SAMD4A: variants seen among roughly 807,000 people sequenced by gnomAD.
The protein encoded by SAMD4A is sterile alpha motif domain containing 4A, also known as protein Smaug homolog 1.
A neutral mutation model predicts 81.3 loss-of-function variants in SAMD4A; 33 were observed. That is an observed-to-expected ratio of 0.41 (90% CI 0.31 to 0.54). The LOEUF (loss-of-function observed/expected upper bound fraction) is 0.54, where lower values mean the gene tolerates loss of function less well. Among genes scored for constraint, SAMD4A ranks in the 20% least tolerant of loss-of-function variants. SAMD4A has a pLI of 0.37. For missense variants in SAMD4A, 854 were observed against 951.1 expected (o/e 0.90, Z 1.34); for synonymous variants, 389 against 382.1 (o/e 1.02, Z -0.21).
At chr14:54,641,921 C>T (rs1373383746) in intron 2 of SAMD4A, among the ~76,000 whole-genome samples, 1 of 152,138 alleles carries the variant, frequency 6.6e-6, no homozygotes, top group East Asian at 1.9e-4. Context: ...CCTTAGCCTC[C>T]TGAGTAGTTG....
chr14:54,580,760 A>C (rs1173310182), intron 2 of SAMD4A, among the ~76,000 whole-genome samples: 1 of 152,320 alleles, frequency 6.6e-6, no homozygotes, highest in East Asian at 1.9e-4. Flanking sequence ...GTTGTTCACT[A>C]TCTGATTACC....
chr14:54,729,012 A>G (rs976223663), intron 3 of SAMD4A, among the ~76,000 whole-genome samples: 2 of 152,212 alleles, frequency 1.3e-5, no homozygotes, highest in African/African-American at 4.8e-5. Flanking sequence ...ACACAGTTTT[A>G]AAATATCCTT....
chr14:54,700,858 C>T (rs988522439), intron 2 of SAMD4A, among the ~76,000 whole-genome samples: 8 of 152,188 alleles, frequency 5.3e-5, no homozygotes, highest in African/African-American at 1.9e-4. Context: ...TGAAGTAAGG[C>T]AGTCACAAAA....
intron 3 of SAMD4A, among the ~76,000 whole-genome samples, chr14:54,733,097 A>G (rs1276821241): frequency 1.3e-5 from 2 of 152,188 alleles, no homozygotes; most frequent in Non-Finnish European, 2.9e-5. Flanking sequence ...ATTAGGTTAG[A>G]TGAGGTCAGA....
At position 54,760,386 on chromosome 14, in the gene SAMD4A, A is replaced by C. The variant is rs2038364410; in HGVS notation, c.1402A>C (p.Ser468Arg). The C allele has an allele frequency of 1.3e-6, 2 of 1,511,644 alleles. No individual in the cohort carries two copies. Among genetic ancestry groups the C allele is most frequent in the African/African-American group, 2.9e-5 (2 of 69,776 alleles). 93.6% of individuals were successfully genotyped at this position (1,511,644 alleles called of 1,614,324 possible). ...GATATPSAGASGGLQPHQLSS... is the reference protein window; with the variant it reads ...GATATPSAGARGGLQPHQLSS... Reference sequence around the variant, plus strand: ...CACGGCCACCCCCTCGGCCGGGGCCAGCGGGGGGCTCCAGCCGCACCAGCT... The same window carrying C: ...CACGGCCACCCCCTCGGCCGGGGCCCGCGGGGGGCTCCAGCCGCACCAGCT... The change falls in exon 7 of 13, where the codon AGC becomes CGC. Residue 468 changes from serine to arginine, a missense_variant. Physicochemically the swap from Ser to Arg is moderately radical, Grantham distance 110 (BLOSUM62 -1). Coordinates refer to ENST00000554335, the MANE Select transcript of SAMD4A (RefSeq NM_015589.6).
chr14:54,738,626 A>G lies in SAMD4A; in HGVS notation c.979+1339A>G, dbSNP rs563780473. ...TACTTCAGAGTTTTCAGGGGACTGT[A>G]TCACAATTTTGGAGCACTAGCAAAA... On this transcript the variant is annotated intron_variant, in intron 4 of 12. Coordinates refer to ENST00000554335, the MANE Select transcript of SAMD4A (RefSeq NM_015589.6). Among the ~76,000 whole-genome samples, 294 of 152,330 alleles carry G rather than the reference A, an allele frequency of 1.9e-3. 6 individuals are homozygous for G. The highest frequency in any genetic ancestry group is 2.4e-3 in the Non-Finnish European group (161 of 68,020).
chr14:54,567,809 C>T lies in SAMD4A; in HGVS notation c.-108C>T. 1.6e-6 allele frequency: 2 copies of T among 1,231,464 alleles called. No individual in the cohort carries two copies. The highest frequency in any genetic ancestry group is 1.6e-5 in the African/African-American group (1 of 63,988). 76.3% of individuals were successfully genotyped at this position (1,231,464 alleles called of 1,614,324 possible). A position where few individuals can be genotyped will look rare whatever the true frequency, so the allele number is the denominator to read the frequency against. On this transcript the variant is annotated 5_prime_UTR_variant, in exon 2 of 13. Coordinates refer to ENST00000554335, the MANE Select transcript of SAMD4A (RefSeq NM_015589.6). Reference sequence around the variant, plus strand: ...TCCGGGCACCAGAGCCACCTTGGAACAGGAACGCGTCTCCGGCCGCGGGGC... The same window carrying T: ...TCCGGGCACCAGAGCCACCTTGGAATAGGAACGCGTCTCCGGCCGCGGGGC...
intron 2 of SAMD4A, among the ~76,000 whole-genome samples, chr14:54,597,181 G>C (rs370510443): frequency 6.6e-6 from 1 of 151,446 alleles, no homozygotes; most frequent in Non-Finnish European, 1.5e-5. Context: ...TCTGCTTAGC[G>C]TGTAGGAGCT....
intron 2 of SAMD4A, among the ~76,000 whole-genome samples, chr14:54,610,754 C>T (rs886554499): frequency 6.6e-6 from 1 of 152,198 alleles, no homozygotes; most frequent in Non-Finnish European, 1.5e-5. Flanking sequence ...TCATTTGAAT[C>T]TGACACATTC....
intron 3 of SAMD4A, among the ~76,000 whole-genome samples, chr14:54,736,071 C>A (rs887514254): frequency 1.3e-5 from 2 of 152,196 alleles, no homozygotes; most frequent in South Asian, 2.1e-4. Context: ...GTAAAGTTGT[C>A]ACTTTACACA....
intron 11 of SAMD4A, among the ~76,000 whole-genome samples, chr14:54,776,995 T>G (rs987865602): frequency 1.4e-4 from 21 of 152,190 alleles, no homozygotes; most frequent in African/African-American, 4.8e-4. Flanking sequence ...CCATCTTTCC[T>G]TTACTTGGTT....
intron 2 of SAMD4A, among the ~76,000 whole-genome samples, chr14:54,638,111 G>A (rs1404428559): frequency 6.6e-6 from 1 of 152,156 alleles, no homozygotes; most frequent in Non-Finnish European, 1.5e-5. Flanking sequence ...GCTACAAGGA[G>A]ATTATGGCAC....
intron 2 of SAMD4A, among the ~76,000 whole-genome samples, chr14:54,606,427 G>C (rs112256653): frequency 6.6e-6 from 1 of 152,170 alleles, no homozygotes; most frequent in African/African-American, 2.4e-5. Flanking sequence ...GCCTGCTTCC[G>C]ACACGTCCTT....
At chr14:54,583,716 T>G (rs1374990181) in intron 2 of SAMD4A, among the ~76,000 whole-genome samples, 1 of 152,254 alleles carries the variant, frequency 6.6e-6, no homozygotes, top group African/African-American at 2.4e-5. Flanking sequence ...TTGAATAGAA[T>G]GGATACTGGA....
intron 4 of SAMD4A, among the ~76,000 whole-genome samples, chr14:54,738,987 T>C (rs2037771604): frequency 6.6e-6 from 1 of 152,000 alleles, no homozygotes; most frequent in South Asian, 2.1e-4. Context: ...AGAAGAATGC[T>C]GATTCCACTG....
chr14:54,655,374 C>T (rs2035496507), intron 2 of SAMD4A, among the ~76,000 whole-genome samples: 1 of 152,064 alleles, frequency 6.6e-6, no homozygotes, highest in Admixed American at 6.6e-5. Context: ...AAGGAAGAGC[C>T]CATTCTACTT....
At position 54,772,826 on chromosome 14, in the gene SAMD4A, C is replaced by A. The variant is rs202199539; in HGVS notation, c.1716-2108C>A. ...GTTTTCGTCATTAAAAACAAACAAA[C>A]AAAAAAAAAAAACACTCGGCCCTTG... On this transcript the variant is annotated intron_variant, in intron 9 of 12. Coordinates refer to ENST00000554335, the MANE Select transcript of SAMD4A (RefSeq NM_015589.6). Among the ~76,000 whole-genome samples the A allele has an allele frequency of 1.8e-3, 262 of 145,816 alleles. 1 individual carries two copies. Among genetic ancestry groups the A allele is most frequent in the East Asian group, 5.8e-3 (29 of 5,018 alleles).
intron 2 of SAMD4A, among the ~76,000 whole-genome samples, chr14:54,600,051 G>A (rs1017596529): frequency 1.3e-5 from 2 of 152,150 alleles, no homozygotes; most frequent in African/African-American, 4.8e-5. Context: ...ATTTCCTACT[G>A]CCAGGCTGGA....
At chr14:54,669,787 G>A (rs1367707567) in intron 2 of SAMD4A, among the ~76,000 whole-genome samples, 1 of 152,122 alleles carries the variant, frequency 6.6e-6, no homozygotes, top group South Asian at 2.1e-4. Flanking sequence ...GTTGTCTGTC[G>A]CTTAGTAGCA....
Sources: gnomAD v4.1 joint callset for allele counts (sites outside exome capture counted in the v4.1 genomes callset) on GRCh38, gnomAD v4.1.1 for gene constraint, MANE v1.5 for transcripts, NCBI Gene and HGNC (gene_info 2026-07-23, HGNC 2026-07-21) for gene names.